The following DYM variants were observed in gnomAD, a reference collection of about 807,000 sequenced individuals.
The protein encoded by DYM is dyggve-Melchior-Clausen syndrome protein.
Under a neutral mutation model 93.1 loss-of-function variants are expected in DYM, and 78 were observed. The observed-to-expected ratio is 0.84, with a 90% CI of 0.70 to 1.01. DYM has a LOEUF of 1.01. DYM is among the 50% of genes least tolerant of loss of function. The pLI is 0.00. For missense variants in DYM, 789 were observed against 845.0 expected, an observed-to-expected ratio of 0.93 and a Z score of 0.82; for synonymous variants, 321 against 319.7, an observed-to-expected ratio of 1.00 and a Z score of -0.04.
At chr18:49,087,976 T>G (rs555417897) in intron 17 of DYM, among the ~76,000 whole-genome samples, 1 of 152,360 alleles carries the variant, frequency 6.6e-6, no homozygotes, top group African/African-American at 2.4e-5. Flanking sequence ...GTTTTTTTCT[T>G]GTAAATTTGT....
chr18:49,092,412 T>C (rs1357532999), intron 17 of DYM, among the ~76,000 whole-genome samples: 1 of 152,250 alleles, frequency 6.6e-6, no homozygotes, highest in Non-Finnish European at 1.5e-5. Context: ...TTCCCAGCAG[T>C]GTCTCCACTC....
chr18:49,242,909 C>G (rs1410034941), intron 13 of DYM, among the ~76,000 whole-genome samples: 1 of 152,078 alleles, frequency 6.6e-6, no homozygotes, highest in African/African-American at 2.4e-5. Context: ...ACCGTATTAG[C>G]CAGGATGGTC....
intron 14 of DYM, among the ~76,000 whole-genome samples, chr18:49,180,233 A>G (rs1464612224): frequency 1.3e-5 from 2 of 152,140 alleles, no homozygotes; most frequent in Non-Finnish European, 2.9e-5. Context: ...GATATAAATT[A>G]TTATCTAAAT....
At chr18:49,350,120 A>T (rs981302073) in intron 6 of DYM, among the ~76,000 whole-genome samples, 2 of 152,168 alleles carry the variant, frequency 1.3e-5, no homozygotes, top group African/African-American at 4.8e-5. Flanking sequence ...CTTTATCAAA[A>T]CTTAAAATGT....
In DYM at chr18:49,041,971, A is replaced by G. The variant is rs550067809; in HGVS notation, c.*2084T>C. 1 of 152,342 alleles carries G rather than the reference A, an allele frequency of 6.6e-6. No individual in the cohort carries two copies. Among genetic ancestry groups the G allele is most frequent in the South Asian group, 2.1e-4 (1 of 4,828 alleles). 9.4% of individuals were successfully genotyped at this position (152,342 alleles called of 1,614,324 possible). A position where few individuals can be genotyped will look rare whatever the true frequency, so the allele number is the denominator to read the frequency against. On this transcript the variant is annotated 3_prime_UTR_variant, in exon 18 of 18. Transcript: ENST00000675505. ...CAGCTGTTCCACATGACCCTTAAAC[A>G]TTTAAACAATTTTTTGGTTTAAAGG...
At chr18:49,401,167 T>G (rs1164278837) in intron 2 of DYM, among the ~76,000 whole-genome samples, 2 of 152,166 alleles carry the variant, frequency 1.3e-5, no homozygotes, top group African/African-American at 4.8e-5. Context: ...TACCTCCAGG[T>G]CAATTTGAAA....
chr18:49,084,440 G>A (rs571747761), intron 17 of DYM, among the ~76,000 whole-genome samples: 1 of 152,264 alleles, frequency 6.6e-6, no homozygotes, highest in South Asian at 2.1e-4. Flanking sequence ...CTGCCATTGG[G>A]TAGAATGCTC....
At chr18:49,163,438 C>T (rs992743911) in intron 15 of DYM, among the ~76,000 whole-genome samples, 6 of 152,152 alleles carry the variant, frequency 3.9e-5, no homozygotes, top group African/African-American at 7.2e-5. Flanking sequence ...CTCTGCCTCC[C>T]GGATTCAAGT....
chr18:49,377,152 A>G (rs2067576593), intron 5 of DYM, among the ~76,000 whole-genome samples: 1 of 152,262 alleles, frequency 6.6e-6, no homozygotes, highest in South Asian at 2.1e-4. Flanking sequence ...TTTAAATGAT[A>G]TAACCAGAAT....
At chr18:49,401,943 T>C (rs2070886105) in intron 2 of DYM, among the ~76,000 whole-genome samples, 1 of 151,724 alleles carries the variant, frequency 6.6e-6, no homozygotes, top group Non-Finnish European at 1.5e-5. Context: ...GGAGAATCAC[T>C]TGAACCCGGA....
chr18:49,424,524 A>G (rs2074065171), intron 2 of DYM, among the ~76,000 whole-genome samples: 1 of 152,012 alleles, frequency 6.6e-6, no homozygotes, highest in African/African-American at 2.4e-5. Context: ...CCTGTTCAAC[A>G]TAGTGTTGGA....
intron 5 of DYM, among the ~76,000 whole-genome samples, chr18:49,373,576 C>T (rs978873775): frequency 3.3e-5 from 5 of 152,096 alleles, no homozygotes; most frequent in Admixed American, 1.3e-4. Context: ...GTCTTCATGA[C>T]TGGTATTTTG....
chr18:49,460,434 C>A lies in DYM; in HGVS notation c.-90G>T, dbSNP rs2083407997. ...GGCTGGGGGATCTGCTCCAGCTCCA[C>A]GGACCCGCGGACGGATGGGAGGGTG... On this transcript the variant is annotated 5_prime_UTR_variant, in exon 1 of 18. Coordinates refer to ENST00000675505, the MANE Select transcript of DYM (RefSeq NM_001353214.3). 1 of 152,278 alleles carries A rather than the reference C, an allele frequency of 6.6e-6. No homozygotes were observed. Among genetic ancestry groups the A allele is most frequent in the Non-Finnish European group, 1.5e-5 (1 of 68,104 alleles). 9.4% of individuals were successfully genotyped at this position (152,278 alleles called of 1,614,324 possible).
intron 16 of DYM, among the ~76,000 whole-genome samples, chr18:49,102,853 G>A (rs955570882): frequency 2.0e-5 from 3 of 152,054 alleles, no homozygotes; most frequent in East Asian, 1.9e-4. Context: ...CTTTGCTATT[G>A]TGAATAGTGC....
chr18:49,133,948 T>C (rs563905969), intron 15 of DYM, among the ~76,000 whole-genome samples: 66 of 152,342 alleles, frequency 4.3e-4, no homozygotes, highest in African/African-American at 1.5e-3. Flanking sequence ...AAATGTCCGA[T>C]AGTAGATGAT....
At chr18:49,307,679 T>C (rs1306203854) in intron 8 of DYM, among the ~76,000 whole-genome samples, 5 of 152,198 alleles carry the variant, frequency 3.3e-5, no homozygotes, top group Admixed American at 6.6e-5. Context: ...TTCCATACCC[T>C]GTCCTTCATG....
chr18:49,263,722 C>T (rs1351730924), intron 11 of DYM, among the ~76,000 whole-genome samples: 1 of 151,854 alleles, frequency 6.6e-6, no homozygotes, highest in South Asian at 2.1e-4. Flanking sequence ...GAGTGAGATT[C>T]TGTCTCAAAA....
chr18:49,212,021 A>G (rs1294757383), intron 13 of DYM, among the ~76,000 whole-genome samples: 1 of 152,336 alleles, frequency 6.6e-6, no homozygotes, highest in East Asian at 1.9e-4. Context: ...GAACAAGTAG[A>G]TGTCATGTGG....
rs565241539 is a variant in DYM, at chr18:49,286,966, G to A, written c.764-350C>T. Among the ~76,000 whole-genome samples, 20 of 152,282 alleles carry A rather than the reference G, an allele frequency of 1.3e-4. No individual in the cohort carries two copies. In the South Asian group the frequency reaches 4.1e-3, roughly 32 times the overall value. The stretch of plus-strand genomic sequence containing the variant: ...CCAGCACTTTGAGAGGCCAAGGCAG[G>A]TGGACCAAGAGGTCAGGACTTCGAG... On this transcript the variant is annotated intron_variant, in intron 8 of 17. Coordinates refer to ENST00000675505, the MANE Select transcript of DYM (RefSeq NM_001353214.3).
Sources: gnomAD v4.1 joint callset for allele counts (sites outside exome capture counted in the v4.1 genomes callset) on GRCh38, gnomAD v4.1.1 for gene constraint, MANE v1.5 for transcripts, NCBI Gene and HGNC (gene_info 2026-07-23, HGNC 2026-07-21) for gene names.